GNAI3: variants seen among roughly 807,000 people sequenced by gnomAD.
GNAI3 encodes the protein guanine nucleotide-binding protein G(i) subunit alpha-3.
Under a neutral mutation model 41.8 loss-of-function variants are expected in GNAI3, and 12 were observed. That is an observed-to-expected ratio of 0.29 (90% confidence interval 0.18 to 0.47). The LOEUF is 0.47. Among genes scored for constraint, GNAI3 ranks in the 20% least tolerant of loss-of-function variants. GNAI3 has a pLI of 1.00. For missense variants in GNAI3, 360 were observed against 429.6 expected (o/e 0.84, Z 1.43); for synonymous variants, 132 against 146.5 (o/e 0.90, Z 0.71).
intron 1 of GNAI3, among the ~76,000 whole-genome samples, chr1:109,560,677 A>G (rs1371708667): frequency 6.6e-6 from 1 of 152,182 alleles, no homozygotes; most frequent in African/African-American, 2.4e-5. Flanking sequence ...CAGCCTCCTG[A>G]GTGGCTGGGA....
At chr1:109,579,590 T>C (rs1396539595) in intron 4 of GNAI3, among the ~76,000 whole-genome samples, 1 of 152,172 alleles carries the variant, frequency 6.6e-6, no homozygotes, top group African/African-American at 2.4e-5. Flanking sequence ...ACCACAAAAT[T>C]AGTTCCATGG....
intron 1 of GNAI3, among the ~76,000 whole-genome samples, chr1:109,567,556 G>T (rs2101096864): frequency 6.6e-6 from 1 of 152,310 alleles, no homozygotes; most frequent in East Asian, 1.9e-4. Flanking sequence ...ATTATAGTTT[G>T]CTGTAACTTT....
intron 5 of GNAI3, among the ~76,000 whole-genome samples, chr1:109,585,559 CTT>C (rs1649015737): frequency 6.6e-6 from 1 of 151,488 alleles, no homozygotes; most frequent in African/African-American, 2.4e-5. Context: ...GGAAAACAAA[CTT>C]AATAGGGAGA....
chr1:109,556,112 A>G lies in GNAI3; in HGVS notation c.118+7274A>G, dbSNP rs185337709. On this transcript the variant is annotated intron_variant, in intron 1 of 8. Coordinates refer to ENST00000369851, the MANE Select transcript of GNAI3 (RefSeq NM_006496.4). The stretch of plus-strand genomic sequence containing the variant: ...AGTGCAGTGGTGCAATCTCAATGCA[A>G]CCTCTGCAACATCACTGCAACCTCT... Among the ~76,000 whole-genome samples the G allele has an allele frequency of 4.0e-5, 6 of 150,934 alleles. No homozygotes were observed. In the East Asian group the frequency reaches 1.2e-3, roughly 29 times the overall value.
At position 109,549,796 on chromosome 1, in the gene GNAI3, G is replaced by A. The variant is rs114984281; in HGVS notation, c.118+958G>A. Among the ~76,000 whole-genome samples the A allele has an allele frequency of 2.1e-3, 323 of 152,268 alleles. 1 individual carries two copies. Among genetic ancestry groups the A allele is most frequent in the African/African-American group, 7.1e-3 (295 of 41,548 alleles). On this transcript the variant is annotated intron_variant, in intron 1 of 8. Transcript: ENST00000369851. ...AAAACCATTGACTTCAGGAATTACT[G>A]TTTATGTTATTTGATAGTCGTTTTA...
At chr1:109,589,073 A>C (rs1380478009) in intron 7 of GNAI3, among the ~76,000 whole-genome samples, 1 of 152,156 alleles carries the variant, frequency 6.6e-6, no homozygotes, top group East Asian at 1.9e-4. Flanking sequence ...ATGGACAGTT[A>C]TATTCGAGGT....
At chr1:109,568,243 A>G (rs1648507339) in intron 1 of GNAI3, among the ~76,000 whole-genome samples, 1 of 152,104 alleles carries the variant, frequency 6.6e-6, no homozygotes, top group Non-Finnish European at 1.5e-5. Context: ...AAATACAATT[A>G]AGAACATGTG....
intron 1 of GNAI3, among the ~76,000 whole-genome samples, chr1:109,557,825 G>A (rs1648200092): frequency 6.6e-6 from 1 of 152,168 alleles, no homozygotes; most frequent in Admixed American, 6.5e-5. Flanking sequence ...ATCCAGTCAT[G>A]TATGGTTGGG....
intron 1 of GNAI3, among the ~76,000 whole-genome samples, chr1:109,563,494 C>T (rs537623997): frequency 5.9e-5 from 9 of 152,260 alleles, no homozygotes; most frequent in Non-Finnish European, 7.4e-5. Flanking sequence ...AGGAACTCTA[C>T]GTACTTCTCC....
Position 109,594,781 on chromosome 1 carries a change from T to G in GNAI3, c.*2459T>G, listed in dbSNP as rs918580058. The stretch of plus-strand genomic sequence containing the variant: ...TATTCTCCTGCTGGGACTACCAGGT[T>G]CCTGCCACCACGCCCAGCTAATTTT... On this transcript the variant is annotated 3_prime_UTR_variant, in exon 9 of 9. Coordinates refer to ENST00000369851, the MANE Select transcript of GNAI3 (RefSeq NM_006496.4). 6.6e-6 allele frequency: 1 copy of G among 151,872 alleles called. No individual in the cohort carries two copies. The highest frequency in any genetic ancestry group is 1.5e-5 in the Non-Finnish European group (1 of 68,022). The allele number at this position is 151,872 out of a possible 1,614,324, so 9.4% of individuals were successfully genotyped here. A position where few individuals can be genotyped will look rare whatever the true frequency, so the allele number is the denominator to read the frequency against.
Position 109,579,505 on chromosome 1 carries a change from G to A in GNAI3, c.461+144G>A, listed in dbSNP as rs961455684. 9.4e-6 allele frequency: 5 copies of A among 529,774 alleles called. No homozygotes were observed. In the African/African-American group the frequency reaches 9.8e-5, roughly 10 times the overall value. The allele number at this position is 529,774 out of a possible 1,614,324, so 32.8% of individuals were successfully genotyped here. A position where few individuals can be genotyped will look rare whatever the true frequency, so the allele number is the denominator to read the frequency against. On this transcript the variant is annotated intron_variant, in intron 4 of 8. Coordinates refer to ENST00000369851, the MANE Select transcript of GNAI3 (RefSeq NM_006496.4). ...CTTTATAAAAATTGTCTAAGTTTAG[G>A]ATTATAGAGCCCTTGGTCATTTGTA...
At chr1:109,573,703 G>C (rs772551535) in intron 1 of GNAI3, 34 bp from the exon 2 acceptor site, 1 of 1,538,488 alleles carries the variant, frequency 6.5e-7, no homozygotes, top group Non-Finnish European at 9.0e-7. Context: ...GTTGATTACC[G>C]AGAAATTCAA....
rs1649391474 is a variant in GNAI3, at chr1:109,599,357, C to T, written c.*7035C>T. On this transcript the variant is annotated 3_prime_UTR_variant, in exon 9 of 9. Coordinates refer to ENST00000369851, the MANE Select transcript of GNAI3 (RefSeq NM_006496.4). ...CATTTCCAGAACTTGTTTTCATCTT[C>T]CTGAACTGAAACTCTGTACCTGTTA... 1 of 154,678 alleles carries T rather than the reference C, an allele frequency of 6.5e-6. No homozygotes were observed. The highest frequency in any genetic ancestry group is 1.9e-4 in the East Asian group (1 of 5,232). The allele number at this position is 154,678 out of a possible 1,614,324, so 9.6% of individuals were successfully genotyped here.
rs1649348266 is a variant in GNAI3 at position 109,597,855 on chromosome 1, G to T, written c.*5533G>T. The T allele has an allele frequency of 6.6e-6, 1 of 152,200 alleles. No homozygotes were observed. 9.4% of individuals were successfully genotyped at this position (152,200 alleles called of 1,614,324 possible). ...TTGGTAGAGAAAGCAAAGCTAGCTA[G>T]CTCTAAACTAGAATGAAAGTCGTTT... is the stretch of plus-strand genomic sequence containing the variant. On this transcript the variant is annotated 3_prime_UTR_variant, in exon 9 of 9. Transcript: ENST00000369851.
In GNAI3 at chr1:109,598,028, T is replaced by C. The variant is rs985061475; in HGVS notation, c.*5706T>C. 1 of 152,262 alleles carries C rather than the reference T, an allele frequency of 6.6e-6. No homozygotes were observed. Among genetic ancestry groups the C allele is most frequent in the African/African-American group, 2.4e-5 (1 of 41,484 alleles). The allele number at this position is 152,262 out of a possible 1,614,324, so 9.4% of individuals were successfully genotyped here. ...AATAAATATTAATACACTGCTGGGATAGAAGTATCTCAGTGTACCAGCATT... is the reference window on the plus strand; with the variant it reads ...AATAAATATTAATACACTGCTGGGACAGAAGTATCTCAGTGTACCAGCATT... On this transcript the variant is annotated 3_prime_UTR_variant, in exon 9 of 9. Coordinates refer to ENST00000369851, the MANE Select transcript of GNAI3 (RefSeq NM_006496.4).
At chr1:109,554,570 T>A (rs1648093539) in intron 1 of GNAI3, among the ~76,000 whole-genome samples, 1 of 152,168 alleles carries the variant, frequency 6.6e-6, no homozygotes, top group Admixed American at 6.6e-5. Context: ...GGGATTGTTT[T>A]TTTCGTGCTG....
At chr1:109,564,581 A>G (rs149233142) in intron 1 of GNAI3, among the ~76,000 whole-genome samples, 7 of 151,938 alleles carry the variant, frequency 4.6e-5, no homozygotes, top group African/African-American at 1.7e-4. Flanking sequence ...TTTTTTCCAC[A>G]TGTATCTCCT....
rs1392269617 is a variant in GNAI3 at position 109,586,289 on chromosome 1, A to C, written c.664A>C (p.Ile222Leu). 2.5e-6 allele frequency: 4 copies of C among 1,613,472 alleles called. No individual in the cohort carries two copies. Among genetic ancestry groups the C allele is most frequent in the Non-Finnish European group, 3.4e-6 (4 of 1,179,568 alleles). The change falls in exon 6 of 9, where the codon ATC (isoleucine) becomes CTC (leucine). Residue 222 changes from isoleucine to leucine, a missense_variant. By Grantham distance (5) the Ile-to-Leu change is conservative. Transcript: ENST00000369851. ...CTGTTTTGAGGGAGTGACAGCAATTATCTTCTGTGTGGCCCTCAGTGATTA... is the reference window on the plus strand; with the variant it reads ...CTGTTTTGAGGGAGTGACAGCAATTCTCTTCTGTGTGGCCCTCAGTGATTA... ...IHCFEGVTAIIFCVALSDYDL... is the reference protein window; with the variant it reads ...IHCFEGVTAILFCVALSDYDL...
chr1:109,578,698 G>C (rs900108734), intron 3 of GNAI3, among the ~76,000 whole-genome samples: 10 of 151,986 alleles, frequency 6.6e-5, no homozygotes, highest in Non-Finnish European at 1.2e-4. Flanking sequence ...TCCTCTTCTT[G>C]TTCTACTGTC....
Sources: gnomAD v4.1 joint callset for allele counts (sites outside exome capture counted in the v4.1 genomes callset) on GRCh38, gnomAD v4.1.1 for gene constraint, MANE v1.5 for transcripts, NCBI Gene and HGNC (gene_info 2026-07-23, HGNC 2026-07-21) for gene names.